ANKLE2: variants seen among roughly 807,000 people sequenced by gnomAD.
The protein encoded by ANKLE2 is ankyrin repeat and LEM domain containing 2, also known as ankyrin repeat and LEM domain-containing protein 2.
Under a neutral mutation model 84.2 loss-of-function variants are expected in ANKLE2, and 55 were observed. The ratio of observed to expected loss-of-function variants is 0.65; its 90% CI spans 0.53 to 0.82. The LOEUF (loss-of-function observed/expected upper bound fraction) is 0.82, where lower values mean the gene tolerates loss of function less well. Among genes scored for constraint, ANKLE2 ranks in the 40% least tolerant of loss-of-function variants. The pLI is 0.00. For synonymous variants in ANKLE2, 551 were observed against 486.1 expected, an observed-to-expected ratio of 1.13 and a Z score of -1.76; for missense variants, 1,238 against 1,201.9, an observed-to-expected ratio of 1.03 and a Z score of -0.44.
Position 132,735,450 on chromosome 12 carries a change from G to C in ANKLE2, c.1656C>G (p.His552Gln). The C allele has an allele frequency of 6.2e-7, 1 of 1,614,076 alleles. No individual in the cohort carries two copies. The highest frequency in any genetic ancestry group is 8.5e-7 in the Non-Finnish European group (1 of 1,180,022). ...PPREKAGFLH[H>Q]VKKSDPERGF... ...CTCTTTCCGGGTCCGACTTCTTGAC[G>C]TGGTGAAGGAAGCCTGCTTTCTCTC... Residue 552 changes from histidine (H) to glutamine (Q), a missense_variant, in exon 9 of 13, where the codon CAC becomes CAG. By Grantham distance (24) the His-to-Gln change is conservative. Transcript: ENST00000357997.
At chr12:132,737,145 G>C in intron 7 of ANKLE2, 80 bp from the exon 8 acceptor site, 1 of 1,458,432 alleles carries the variant, frequency 6.9e-7, no homozygotes, top group Admixed American at 2.3e-5. Flanking sequence ...CGGGGATCAC[G>C]CGAGCCCTTG....
At chr12:132,741,754 G>T in intron 6 of ANKLE2, 1 of 590,188 alleles carries the variant, frequency 1.7e-6, no homozygotes, top group South Asian at 1.5e-5. Flanking sequence ...TGCAAGGAGA[G>T]GAAAAGGTAC....
intron 1 of ANKLE2, chr12:132,760,212 G>A (rs1313185714): frequency 1.3e-5 from 2 of 150,390 alleles, no homozygotes; most frequent in African/African-American, 4.9e-5. Context: ...TCAATCATCA[G>A]AAAGCACCTC....
intron 1 of ANKLE2, chr12:132,759,343 A>T (rs1326569212): frequency 6.6e-6 from 1 of 152,210 alleles, no homozygotes; most frequent in East Asian, 1.9e-4. Context: ...ATGAACATTA[A>T]ATATGGGTTT....
In ANKLE2 at chr12:132,751,655, G is replaced by A. The variant is rs144069319; in HGVS notation, c.641-806C>T. Among the ~76,000 whole-genome samples, 8 of 151,588 alleles carry A rather than the reference G, an allele frequency of 5.3e-5. 1 individual carries two copies. Among genetic ancestry groups the A allele is most frequent in the South Asian group, 4.2e-4 (2 of 4,786 alleles). Reference sequence around the variant, plus strand: ...TCTCCCAGGTCCAAGCGATTCTCCCGTCTCAGCCTCCCGTGTAGCTGGGAT... The same window carrying A: ...TCTCCCAGGTCCAAGCGATTCTCCCATCTCAGCCTCCCGTGTAGCTGGGAT... On this transcript the variant is annotated intron_variant, in intron 2 of 12. Coordinates refer to ENST00000357997, the MANE Select transcript of ANKLE2 (RefSeq NM_015114.3).
intron 10 of ANKLE2, among the ~76,000 whole-genome samples, chr12:132,733,728 C>T (rs897976412): frequency 6.6e-5 from 10 of 150,712 alleles, no homozygotes; most frequent in South Asian, 4.2e-4. Context: ...GTGTCTGATA[C>T]GCACCGTGCA....
chr12:132,729,695 G>T lies in ANKLE2; in HGVS notation c.2467C>A (p.Arg823=). Residue 823 remains arginine, a synonymous_variant, in exon 11 of 13, where the codon CGG becomes AGG. Coordinates refer to ENST00000357997, the MANE Select transcript of ANKLE2 (RefSeq NM_015114.3). ...QLEVTREPAR[R]LFLFGEEPSK... is the part of the protein sequence containing the mutation. ...CACTCCTACCCAAAAAGGAAGAGCC[G>T]CCTGGCCGGTTCCCTGGTGACCTCG... 6.2e-7 allele frequency: 1 copy of T among 1,606,520 alleles called. No homozygotes were observed. Among genetic ancestry groups the T allele is most frequent in the South Asian group, 1.1e-5 (1 of 90,724 alleles).
At chr12:132,750,987 G>A (rs1593175317) in intron 2 of ANKLE2, 138 bp from the exon 3 acceptor site, 1 of 734,212 alleles carries the variant, frequency 1.4e-6, no homozygotes, top group Admixed American at 2.8e-5. Context: ...TAATCCTGAA[G>A]AAAAAGGGCC....
intron 7 of ANKLE2, 138 bp from the exon 8 acceptor site, chr12:132,737,203 C>CAGAGGGTGGTTTG: frequency 2.3e-6 from 2 of 880,346 alleles, no homozygotes; most frequent in Middle Eastern, 3.7e-4. Context: ...AGGGTGGTTT[C>CAGAGGGTGGTTTG]CGCCAGAGCT....
Position 132,726,162 on chromosome 12 carries a change from G to C in ANKLE2, c.*1080C>G, listed in dbSNP as rs1283013213. ...TGGAAATGTTCACAGAGAAACAACT[G>C]TGTGAGCAGTTGCCCGTAACACCCA... On this transcript the variant is annotated 3_prime_UTR_variant, in exon 13 of 13. Transcript: ENST00000357997. 1.3e-5 allele frequency: 2 copies of C among 152,854 alleles called. No individual in the cohort carries two copies. Among genetic ancestry groups the C allele is most frequent in the Non-Finnish European group, 2.9e-5 (2 of 68,222 alleles). The allele number at this position is 152,854 out of a possible 1,614,324, so 9.5% of individuals were successfully genotyped here.
chr12:132,743,164 G>A lies in ANKLE2; in HGVS notation c.1343C>T (p.Thr448Ile). The A allele has an allele frequency of 1.2e-6, 2 of 1,605,850 alleles. No individual in the cohort carries two copies. The highest frequency in any genetic ancestry group is 1.1e-5 in the South Asian group (1 of 89,502). Residue 448 changes from threonine to isoleucine, a missense_variant, in exon 6 of 13, where the codon ACA becomes ATA. This residue lies in a region of ANKLE2 where 802 missense variants were observed against 774.5 expected (regional missense o/e 1.04). Coordinates refer to ENST00000357997, the MANE Select transcript of ANKLE2 (RefSeq NM_015114.3). This position sits in a 1 kb window ranked among gnomAD's most constrained non-coding sequence, Gnocchi z 4.1. ...VKNSRNKYDK[T>I]PEDVICERSK... is the part of the protein sequence containing the mutation. ...GTAATAAGTACTTACATCTTCAGGT[G>A]TTTTATCATATTTATTCCTTGAGTT...
In ANKLE2 at chr12:132,736,975, G is replaced by A; in HGVS notation, c.1511C>T (p.Ser504Phe). The A allele has an allele frequency of 1.2e-6, 2 of 1,613,910 alleles. No homozygotes were observed. Among genetic ancestry groups the A allele is most frequent in the Non-Finnish European group, 1.7e-6 (2 of 1,179,928 alleles). Reference sequence around the variant, plus strand: ...GCTGCCTCCATAGCGGCTGACGTGAGAGGCCTCAGCCGTCTGGTCTGGGGA... The same window carrying A: ...GCTGCCTCCATAGCGGCTGACGTGAAAGGCCTCAGCCGTCTGGTCTGGGGA... The part of the protein sequence containing the change: ...LWSPDQTAEA[S>F]HVSRYGGSPR... The change falls in exon 8 of 13, where the codon TCT becomes TTT. Residue 504 changes from serine to phenylalanine, a missense_variant. This residue lies in a region of ANKLE2 where 802 missense variants were observed against 774.5 expected (regional missense o/e 1.04). Coordinates refer to ENST00000357997, the MANE Select transcript of ANKLE2 (RefSeq NM_015114.3).
rs375071261 is a variant in ANKLE2, at chr12:132,744,164, C to T, written c.1231-888G>A. ...TATGCTCTGGGCAGTCTCAATGTCA[C>T]CTTCAACTGTGGCCTACAGACCAGC... On this transcript the variant is annotated intron_variant, in intron 5 of 12. Transcript: ENST00000357997. Among the ~76,000 whole-genome samples the T allele has an allele frequency of 5.3e-5, 8 of 152,272 alleles. No homozygotes were observed. In the East Asian group the frequency reaches 1.4e-3, roughly 26 times the overall value.
At chr12:132,754,257 A>C (rs1436255509) in intron 2 of ANKLE2, among the ~76,000 whole-genome samples, 1 of 152,210 alleles carries the variant, frequency 6.6e-6, no homozygotes, top group Non-Finnish European at 1.5e-5. Context: ...ATAAATAAAT[A>C]AATAAAAACA....
intron 2 of ANKLE2, among the ~76,000 whole-genome samples, chr12:132,753,257 T>C (rs765649040): frequency 6.6e-6 from 1 of 151,422 alleles, no homozygotes; most frequent in Non-Finnish European, 1.5e-5. Flanking sequence ...TAGGCAGACA[T>C]TGCAGTGAGT....
At chr12:132,748,438 G>C (rs1329267812) in intron 3 of ANKLE2, 107 bp from the exon 4 acceptor site, 16 of 1,297,028 alleles carry the variant, frequency 1.2e-5, no homozygotes, top group Non-Finnish European at 1.7e-5. Flanking sequence ...AGGCTTCTGG[G>C]CCAACTGGGA....
Position 132,726,987 on chromosome 12 carries a change from A to C in ANKLE2, c.*255T>G. On this transcript the variant is annotated 3_prime_UTR_variant, in exon 13 of 13. Coordinates refer to ENST00000357997, the MANE Select transcript of ANKLE2 (RefSeq NM_015114.3). ...TTTCAGACCTAGAAATTGCCACCTA[A>C]AAAGTCTACCATTACCACATGGATA... 4.0e-6 allele frequency: 2 copies of C among 501,732 alleles called. No individual in the cohort carries two copies. Among genetic ancestry groups the C allele is most frequent in the Non-Finnish European group, 6.9e-6 (2 of 289,746 alleles). The allele number at this position is 501,732 out of a possible 1,614,324, so 31.1% of individuals were successfully genotyped here. A position where few individuals can be genotyped will look rare whatever the true frequency, so the allele number is the denominator to read the frequency against.
chr12:132,747,604 G>A lies in ANKLE2; in HGVS notation c.1230+228C>T, dbSNP rs148379002. 1.2e-3 allele frequency among the ~76,000 whole-genome samples: 187 copies of A among 152,298 alleles called. 1 individual carries two copies. In the Middle Eastern group the frequency reaches 0.037, roughly 30 times the overall value. On this transcript the variant is annotated intron_variant, in intron 5 of 12. Transcript: ENST00000357997. ...GTCCCCAGACAGTTCAGACACCCTC[G>A]GGGACAGCATCGCACACACGACGAC...
At chr12:132,742,064 T>C (rs2044134200) in intron 6 of ANKLE2, 2 of 319,370 alleles carry the variant, frequency 6.3e-6, no homozygotes, top group South Asian at 4.9e-5. Flanking sequence ...ATTAAAACTA[T>C]GAATGCAACT....
Sources: gnomAD v4.1 joint callset for allele counts (sites outside exome capture counted in the v4.1 genomes callset) on GRCh38, gnomAD v4.1.1 for gene constraint, gnomAD v4.1.1 regional missense constraint, Gnocchi (gnomAD v3.1) non-coding constraint, MANE v1.5 for transcripts, NCBI Gene and HGNC (gene_info 2026-07-23, HGNC 2026-07-21) for gene names.